Variants in RASA3 observed in about 807,000 individuals in gnomAD.
The protein encoded by RASA3 is RAS p21 protein activator 3.
A neutral mutation model predicts 110.0 loss-of-function variants in RASA3; 73 were observed. The observed-to-expected ratio is 0.66, with a 90% CI of 0.55 to 0.81. The LOEUF (loss-of-function observed/expected upper bound fraction) is 0.81. RASA3 is among the 30% of genes least tolerant of loss of function. RASA3 has a pLI of 0.00. For missense variants in RASA3, 976 were observed against 1,113.2 expected (o/e 0.88, Z 1.75); for synonymous variants, 500 against 451.4 (o/e 1.11, Z -1.37).
intron 4 of RASA3, among the ~76,000 whole-genome samples, chr13:114,037,221 G>T (rs1016969399): frequency 6.6e-6 from 1 of 152,188 alleles, no homozygotes; most frequent in South Asian, 2.1e-4. Context: ...AGTCCTGATC[G>T]TCATGGTGGT....
At chr13:114,013,728 C>G (rs2053706094) in intron 14 of RASA3, among the ~76,000 whole-genome samples, 1 of 97,540 alleles carries the variant, frequency 1.0e-5, no homozygotes, top group Admixed American at 9.9e-5. Flanking sequence ...CTCTCTCCGT[C>G]CGTCTGTCTC....
chr13:114,072,551 G>C (rs1016942114), intron 2 of RASA3, among the ~76,000 whole-genome samples: 1 of 152,166 alleles, frequency 6.6e-6, no homozygotes, highest in Admixed American at 6.5e-5. Context: ...TCCTTAATTT[G>C]TACTCTTTTG....
intron 1 of RASA3, among the ~76,000 whole-genome samples, chr13:114,097,497 C>T (rs1490600503): frequency 6.6e-6 from 1 of 152,246 alleles, no homozygotes; most frequent in East Asian, 1.9e-4. Context: ...AAATAGATGC[C>T]TCAGGGCGTT....
chr13:114,113,653 A>G (rs56137042), intron 1 of RASA3, among the ~76,000 whole-genome samples: 2 of 131,266 alleles, frequency 1.5e-5, no homozygotes, highest in Non-Finnish European at 3.3e-5. Flanking sequence ...CACCGCGTCC[A>G]TCAGTCCACC....
chr13:114,079,834 C>T (rs1053373105), intron 1 of RASA3, among the ~76,000 whole-genome samples: 3 of 152,134 alleles, frequency 2.0e-5, no homozygotes, highest in African/African-American at 7.2e-5. Flanking sequence ...TCCGCACTGG[C>T]CTCCCCACCC....
intron 18 of RASA3, among the ~76,000 whole-genome samples, chr13:114,003,384 T>C (rs1413571504): frequency 1.3e-5 from 2 of 152,196 alleles, no homozygotes; most frequent in Non-Finnish European, 2.9e-5. Context: ...CTTCTCGGCG[T>C]CAGACACACA....
At position 114,048,264 on chromosome 13, in the gene RASA3, G is replaced by A. The variant is rs534011934; in HGVS notation, c.277+3788C>T. The stretch of plus-strand genomic sequence containing the variant: ...CGGGAGGTGGAGGTTGCAGTGAGCC[G>A]AGATCGCGCCACTGCCCTCCAGCCT... On this transcript the variant is annotated intron_variant, in intron 3 of 23. Transcript: ENST00000334062. This position sits in a 1 kb window ranked among gnomAD's most constrained non-coding sequence, Gnocchi z 4.3. Among the ~76,000 whole-genome samples, 350 of 151,270 alleles carry A rather than the reference G, an allele frequency of 2.3e-3. No homozygotes were observed. Among genetic ancestry groups the A allele is most frequent in the African/African-American group, 8.3e-3 (343 of 41,142 alleles).
intron 2 of RASA3, among the ~76,000 whole-genome samples, chr13:114,062,601 G>A (rs983263124): frequency 2.6e-5 from 4 of 151,572 alleles, no homozygotes; most frequent in Middle Eastern, 3.4e-3. Flanking sequence ...ACGTCCGCAC[G>A]CAGACTCAGA....
intron 18 of RASA3, 101 bp downstream of exon 18, chr13:114,007,432 C>A: frequency 2.8e-6 from 1 of 361,620 alleles, no homozygotes; most frequent in Non-Finnish European, 4.6e-6. Flanking sequence ...CCCCTCCTGC[C>A]CTGCCGGACA....
At chr13:114,021,567 A>G (rs1420799611) in intron 8 of RASA3, 59 bp from the exon 9 acceptor site, 2 of 1,363,934 alleles carry the variant, frequency 1.5e-6, no homozygotes, top group Non-Finnish European at 2.1e-6. Flanking sequence ...TGGAGCAAAG[A>G]TGACAGGCCA....
intron 1 of RASA3, among the ~76,000 whole-genome samples, chr13:114,123,390 A>C (rs959490697): frequency 6.6e-6 from 1 of 152,250 alleles, no homozygotes; most frequent in Non-Finnish European, 1.5e-5. Context: ...GCTAAAGAGA[A>C]GATTTAGGGG....
At chr13:114,109,793 C>A (rs565148246) in intron 1 of RASA3, among the ~76,000 whole-genome samples, 1 of 152,244 alleles carries the variant, frequency 6.6e-6, no homozygotes, top group South Asian at 2.1e-4. Flanking sequence ...AGAGGCGGGG[C>A]TGGCGCAGGG....
chr13:114,024,219 A>G, intron 8 of RASA3, 60 bp downstream of exon 8: 1 of 1,452,530 alleles, frequency 6.9e-7, no homozygotes, highest in Non-Finnish European at 9.7e-7. Context: ...AAAGAACAAA[A>G]GAGCTGAGGA....
chr13:114,001,006 C>G (rs2053382631), intron 18 of RASA3, 74 bp from the exon 19 acceptor site: 8 of 951,092 alleles, frequency 8.4e-6, no homozygotes, highest in African/African-American at 1.6e-5. Context: ...CCACACCCCC[C>G]ACTTTCTGCG....
intron 15 of RASA3, 62 bp downstream of exon 15, chr13:114,013,080 C>A: frequency 2.7e-6 from 4 of 1,454,584 alleles, no homozygotes; most frequent in Non-Finnish European, 3.8e-6. Flanking sequence ...CGCAGATGCC[C>A]CAACCCAGGC....
intron 18 of RASA3, among the ~76,000 whole-genome samples, chr13:114,001,465 TCACGCAACATGGAGGACCTACAGGC>T (rs2053397792): frequency 1.3e-5 from 1 of 79,328 alleles, no homozygotes; most frequent in Non-Finnish European, 2.5e-5. Context: ...CAGTGGACAC[TCACGCAACATGGAGGACCTACAGGC>T]GCGGGCTCGG....
chr13:114,062,972 C>T (rs1273558684), intron 2 of RASA3, among the ~76,000 whole-genome samples: 5 of 152,232 alleles, frequency 3.3e-5, no homozygotes, highest in Non-Finnish European at 7.3e-5. Flanking sequence ...GGCGACAGAA[C>T]GGGGACCCGT....
chr13:114,048,656 A>T lies in RASA3; in HGVS notation c.277+3396T>A, dbSNP rs2079093762. The stretch of plus-strand genomic sequence containing the variant: ...CAGAGGCCGCCTCCCTGCGCCTGGA[A>T]TCCCGAAGGAGCCTGCGCCCCGTGT... On this transcript the variant is annotated intron_variant, in intron 3 of 23. Coordinates refer to ENST00000334062, the MANE Select transcript of RASA3 (RefSeq NM_007368.4). This position sits in a 1 kb window ranked among gnomAD's most constrained non-coding sequence, Gnocchi z 4.3. Among the ~76,000 whole-genome samples the T allele has an allele frequency of 6.6e-6, 1 of 152,176 alleles. No individual in the cohort carries two copies. Among genetic ancestry groups the T allele is most frequent in the Admixed American group, 6.5e-5 (1 of 15,280 alleles).
intron 1 of RASA3, among the ~76,000 whole-genome samples, chr13:114,078,829 G>A (rs2079734190): frequency 6.6e-6 from 1 of 152,184 alleles, no homozygotes; most frequent in African/African-American, 2.4e-5. Context: ...AGGCTTCCCT[G>A]GAGGCCCACA....
Sources: allele counts gnomAD v4.1 joint callset (sites outside exome capture counted in the v4.1 genomes callset), GRCh38; gene constraint gnomAD v4.1.1; non-coding constraint Gnocchi (gnomAD v3.1); transcripts MANE v1.5; gene names NCBI Gene and HGNC (gene_info 2026-07-23, HGNC 2026-07-21).